PXDNL: variants seen among roughly 807,000 people sequenced by gnomAD.
PXDNL encodes the protein probable oxidoreductase PXDNL.
In PXDNL, 145 loss-of-function variants were observed where a neutral mutation model predicts 150.8. The ratio of observed to expected loss-of-function variants is 0.96; its 90% confidence interval spans 0.84 to 1.10. The LOEUF (loss-of-function observed/expected upper bound fraction) is 1.10. Among genes scored for constraint, PXDNL ranks in the 50% least tolerant of loss-of-function variants. The pLI is 0.00. For synonymous variants in PXDNL, 757 were observed against 725.7 expected, an observed-to-expected ratio of 1.04 and a Z score of -0.69; for missense variants, 2,087 against 1,873.9, an observed-to-expected ratio of 1.11 and a Z score of -2.10.
intron 3 of PXDNL, among the ~76,000 whole-genome samples, chr8:51,558,437 G>A (rs984651955): frequency 1.3e-5 from 2 of 152,080 alleles, no homozygotes; most frequent in Admixed American, 1.3e-4. Context: ...CTATTAGAAT[G>A]TTGAGAGCCA....
At chr8:51,413,928 C>G (rs1222719247) in intron 14 of PXDNL, among the ~76,000 whole-genome samples, 4 of 152,016 alleles carry the variant, frequency 2.6e-5, no homozygotes, top group Non-Finnish European at 4.4e-5. Flanking sequence ...AAATAATCAG[C>G]ACAGTATCTA....
At chr8:51,465,186 A>G (rs1038873277) in intron 8 of PXDNL, among the ~76,000 whole-genome samples, 1 of 152,182 alleles carries the variant, frequency 6.6e-6, no homozygotes, top group Non-Finnish European at 1.5e-5. Flanking sequence ...CCAGCAGTAC[A>G]TCAGAAAGTT....
intron 17 of PXDNL, among the ~76,000 whole-genome samples, chr8:51,398,261 C>T (rs1184174357): frequency 6.6e-6 from 1 of 152,224 alleles, no homozygotes; most frequent in Non-Finnish European, 1.5e-5. Context: ...CAGCAAGGTG[C>T]AGCTGCACTC....
intron 17 of PXDNL, among the ~76,000 whole-genome samples, chr8:51,391,558 T>C (rs1185367616): frequency 6.6e-6 from 1 of 152,248 alleles, no homozygotes; most frequent in Non-Finnish European, 1.5e-5. Context: ...AAGTGTCTGT[T>C]CGTGTCCTTC....
At chr8:51,577,568 T>C (rs1813083221) in intron 3 of PXDNL, among the ~76,000 whole-genome samples, 1 of 144,102 alleles carries the variant, frequency 6.9e-6, no homozygotes, top group South Asian at 2.2e-4. Flanking sequence ...ATATTTTATA[T>C]ATATATATAA....
intron 3 of PXDNL, among the ~76,000 whole-genome samples, chr8:51,579,462 G>T (rs1440776854): frequency 6.6e-6 from 1 of 151,982 alleles, no homozygotes; most frequent in African/African-American, 2.4e-5. Flanking sequence ...TGTTGGCAGG[G>T]GTACAGAGAA....
intron 4 of PXDNL, among the ~76,000 whole-genome samples, chr8:51,518,824 C>T (rs954274026): frequency 6.6e-6 from 1 of 151,338 alleles, no homozygotes; most frequent in Non-Finnish European, 1.5e-5. Context: ...AGAATGGGCT[C>T]GATAGGAGAA....
intron 11 of PXDNL, among the ~76,000 whole-genome samples, chr8:51,448,069 C>A (rs1047242498): frequency 6.6e-6 from 1 of 152,108 alleles, no homozygotes; most frequent in Non-Finnish European, 1.5e-5. Flanking sequence ...AAGAATAGAG[C>A]AAAAATGTTA....
chr8:51,502,686 C>A (rs1173064648), intron 4 of PXDNL, among the ~76,000 whole-genome samples: 1 of 150,844 alleles, frequency 6.6e-6, no homozygotes, highest in Non-Finnish European at 1.5e-5. Context: ...TTCCTTTCAA[C>A]TTTTTAATGC....
intron 2 of PXDNL, among the ~76,000 whole-genome samples, chr8:51,651,885 T>G (rs1815048185): frequency 6.6e-6 from 1 of 152,114 alleles, no homozygotes; most frequent in African/African-American, 2.4e-5. Context: ...CTGCAGCGGG[T>G]GAAATTCAGG....
At chr8:51,688,997 C>T (rs1023825887) in intron 1 of PXDNL, among the ~76,000 whole-genome samples, 12 of 152,164 alleles carry the variant, frequency 7.9e-5, no homozygotes, top group Admixed American at 2.0e-4. Context: ...GGCCCCAGCA[C>T]GTCTCCCTTG....
chr8:51,475,942 T>G (rs1045609558), intron 6 of PXDNL, among the ~76,000 whole-genome samples: 1 of 152,130 alleles, frequency 6.6e-6, no homozygotes, highest in Non-Finnish European at 1.5e-5. Flanking sequence ...GTCTACAATT[T>G]TTTAGTTAGC....
chr8:51,491,008 G>T (rs565023571), intron 5 of PXDNL, among the ~76,000 whole-genome samples: 1 of 152,194 alleles, frequency 6.6e-6, no homozygotes, highest in African/African-American at 2.4e-5. Context: ...CTTAATCTGA[G>T]TAGGCACCAT....
rs1387391110 is a variant in PXDNL, at chr8:51,483,661, A to T, written c.506T>A (p.Leu169Gln). ...CACTTACAATCTTTTTAATGAATCC[A>T]GATTAGAAAAGCTCCCAGCTGGAAT... is the stretch of plus-strand genomic sequence containing the variant. ...SKIPAGSFSNLDSLKRLRLDS... is the reference protein window; with the variant it reads ...SKIPAGSFSNQDSLKRLRLDS... The change falls in exon 6 of 23, where the codon CTG (leucine) becomes CAG (glutamine). Residue 169 changes from leucine to glutamine, a missense_variant. By Grantham distance (113) the Leu-to-Gln change is moderately radical. Transcript: ENST00000356297. 5 of 1,522,020 alleles carry T rather than the reference A, an allele frequency of 3.3e-6. No individual in the cohort carries two copies. The East Asian group carries it at 1.2e-4, about 37-fold the overall frequency. The allele number at this position is 1,522,020 out of a possible 1,614,324, so 94.3% of individuals were successfully genotyped here.
intron 1 of PXDNL, among the ~76,000 whole-genome samples, chr8:51,672,124 G>T (rs983580747): frequency 2.0e-5 from 3 of 152,104 alleles, no homozygotes; most frequent in Non-Finnish European, 4.4e-5. Flanking sequence ...TGGGATTACA[G>T]GTGCACACCA....
chr8:51,332,741 G>T (rs1425739436), intron 21 of PXDNL, among the ~76,000 whole-genome samples: 1 of 152,136 alleles, frequency 6.6e-6, no homozygotes, highest in Non-Finnish European at 1.5e-5. Context: ...AAGAAATTCA[G>T]GCCTCGAAGA....
chr8:51,583,645 T>C (rs1295763246), intron 3 of PXDNL, among the ~76,000 whole-genome samples: 2 of 152,134 alleles, frequency 1.3e-5, no homozygotes, highest in African/African-American at 2.4e-5. Context: ...CAGAGCCAAA[T>C]CTTTTTTGCT....
In PXDNL at chr8:51,653,517, C is replaced by A. The variant is rs112045969; in HGVS notation, c.236+1172G>T. Among the ~76,000 whole-genome samples, 826 of 152,254 alleles carry A rather than the reference C, an allele frequency of 5.4e-3. 7 individuals are homozygous for A. Among genetic ancestry groups the A allele is most frequent in the South Asian group, 0.036 (174 of 4,828 alleles). The stretch of plus-strand genomic sequence containing the variant: ...GAAGAGGGCTAGGAATTTGCATGTC[C>A]ACAAGCACTCCAGGAAATGTTTTCG... On this transcript the variant is annotated intron_variant, in intron 2 of 22. Coordinates refer to ENST00000356297, the MANE Select transcript of PXDNL (RefSeq NM_144651.5).
intron 19 of PXDNL, among the ~76,000 whole-genome samples, chr8:51,358,578 G>GC (rs986323231): frequency 2.1e-4 from 32 of 152,264 alleles, no homozygotes; most frequent in Admixed American, 1.2e-3. Context: ...TCCCTGAAGA[G>GC]CTCAGGCCTT....
Sources: gnomAD v4.1 joint callset for allele counts (sites outside exome capture counted in the v4.1 genomes callset) on GRCh38, gnomAD v4.1.1 for gene constraint, MANE v1.5 for transcripts, NCBI Gene and HGNC (gene_info 2026-07-23, HGNC 2026-07-21) for gene names.